DENND2A: variants seen among roughly 807,000 people sequenced by gnomAD.
The protein encoded by DENND2A is DENN domain containing 2A.
In DENND2A, 53 loss-of-function variants were observed where a neutral mutation model predicts 105.3. The ratio of observed to expected loss-of-function variants is 0.50; its 90% CI spans 0.40 to 0.63. The LOEUF is 0.63. Among genes scored for constraint, DENND2A ranks in the 30% least tolerant of loss-of-function variants. DENND2A has a pLI of 0.00. For missense variants in DENND2A, 1,138 were observed against 1,279.6 expected (o/e 0.89, Z 1.69); for synonymous variants, 522 against 508.4 (o/e 1.03, Z -0.36).
intron 3 of DENND2A, among the ~76,000 whole-genome samples, chr7:140,590,354 C>T (rs1336911360): frequency 6.6e-6 from 1 of 151,922 alleles, no homozygotes; most frequent in Non-Finnish European, 1.5e-5. Flanking sequence ...TGCGCCACTG[C>T]ACTCTAGCCT....
intron 18 of DENND2A, among the ~76,000 whole-genome samples, chr7:140,520,647 C>T (rs1337458800): frequency 1.3e-5 from 2 of 151,990 alleles, no homozygotes; most frequent in Middle Eastern, 3.2e-3. Context: ...CAAGCTCTGC[C>T]TCCTGGGTTC....
intron 14 of DENND2A, among the ~76,000 whole-genome samples, chr7:140,541,895 T>TGA (rs1298226737): frequency 6.6e-6 from 1 of 152,142 alleles, no homozygotes; most frequent in Admixed American, 6.6e-5. Flanking sequence ...ATGCGGCGCA[T>TGA]GAGGGGAGAG....
chr7:140,555,789 G>T, intron 11 of DENND2A, 76 bp from the exon 12 acceptor site: 1 of 1,292,276 alleles, frequency 7.7e-7, no homozygotes, highest in Admixed American at 2.4e-5. Flanking sequence ...TGTTTTTTGC[G>T]AGACTATCAT....
intron 14 of DENND2A, among the ~76,000 whole-genome samples, chr7:140,541,386 C>T (rs1323156581): frequency 1.3e-5 from 2 of 152,112 alleles, no homozygotes; most frequent in Non-Finnish European, 2.9e-5. Context: ...ATCTTCACCC[C>T]GCAGGCACGT....
At chr7:140,625,105 G>A (rs892081366) in intron 1 of DENND2A, among the ~76,000 whole-genome samples, 1 of 152,026 alleles carries the variant, frequency 6.6e-6, no homozygotes, top group Non-Finnish European at 1.5e-5. Flanking sequence ...GGCCAGGCAC[G>A]GTGGCTCATG....
chr7:140,561,768 G>T (rs538783445), intron 9 of DENND2A, among the ~76,000 whole-genome samples: 23 of 151,446 alleles, frequency 1.5e-4, no homozygotes, highest in African/African-American at 5.3e-4. Flanking sequence ...GCCTGCCTCA[G>T]CCTCGCAGAA....
chr7:140,600,596 A>C (rs1156915041), intron 3 of DENND2A, among the ~76,000 whole-genome samples: 2 of 151,980 alleles, frequency 1.3e-5, no homozygotes, highest in Admixed American at 1.3e-4. Context: ...AAAAACAAAG[A>C]ACTGGCAATT....
At chr7:140,518,835 C>T (rs1795751682) in intron 19 of DENND2A, 97 bp from the exon 20 acceptor site, 2 of 1,104,788 alleles carry the variant, frequency 1.8e-6, no homozygotes, top group Non-Finnish European at 2.7e-6. Flanking sequence ...GGTAACGGGG[C>T]CCCCACGCCA....
At chr7:140,585,752 G>A in intron 4 of DENND2A, 42 bp from the exon 5 acceptor site, 3 of 1,612,932 alleles carry the variant, frequency 1.9e-6, no homozygotes, top group Non-Finnish European at 2.5e-6. Flanking sequence ...GGAACACTGA[G>A]GACATTTCCC....
At chr7:140,623,314 C>A (rs1376107243) in intron 1 of DENND2A, among the ~76,000 whole-genome samples, 3 of 125,228 alleles carry the variant, frequency 2.4e-5, no homozygotes, top group Admixed American at 1.6e-4. Flanking sequence ...GGCTCTATCT[C>A]CAAAAAAAAA....
intron 11 of DENND2A, among the ~76,000 whole-genome samples, chr7:140,556,518 T>G (rs1039392414): frequency 4.6e-5 from 7 of 151,846 alleles, no homozygotes; most frequent in Non-Finnish European, 1.0e-4. Context: ...TTTTGTATTT[T>G]TAGTAGAGAT....
chr7:140,548,288 T>TA (rs1796985516), intron 12 of DENND2A, among the ~76,000 whole-genome samples: 1 of 107,238 alleles, frequency 9.3e-6, no homozygotes, highest in Admixed American at 9.8e-5. Context: ...AAGCTACTAC[T>TA]AAAAAACTAA....
intron 6 of DENND2A, 23 bp downstream of exon 6, chr7:140,573,785 A>G: frequency 6.2e-7 from 1 of 1,610,734 alleles, no homozygotes; most frequent in Non-Finnish European, 8.5e-7. Flanking sequence ...ATACCTGAGC[A>G]TGAAGCTTGT....
At chr7:140,536,332 G>A (rs1324026028) in intron 14 of DENND2A, among the ~76,000 whole-genome samples, 1 of 151,680 alleles carries the variant, frequency 6.6e-6, no homozygotes, top group Non-Finnish European at 1.5e-5. Context: ...TCCAGCCTGG[G>A]CAACAGAGCA....
intron 1 of DENND2A, among the ~76,000 whole-genome samples, chr7:140,622,520 T>C (rs948276827): frequency 2.0e-5 from 3 of 152,204 alleles, no homozygotes; most frequent in Non-Finnish European, 4.4e-5. Flanking sequence ...TCCTCAGACT[T>C]GTTAAAATGC....
intron 1 of DENND2A, among the ~76,000 whole-genome samples, chr7:140,621,003 C>T (rs1311609347): frequency 6.6e-6 from 1 of 152,108 alleles, no homozygotes; most frequent in African/African-American, 2.4e-5. Flanking sequence ...TTGGATATAA[C>T]CTATGTACAT....
Position 140,567,265 on chromosome 7 carries a change from G to A in DENND2A, c.1600C>T (p.Gln534Ter). 1 of 1,608,084 alleles carries A rather than the reference G, an allele frequency of 6.2e-7. No homozygotes were observed. The highest frequency in any genetic ancestry group is 8.5e-7 in the Non-Finnish European group (1 of 1,177,600). Residue 534 changes from glutamine (Q) to a stop codon, truncating the protein, a stop_gained, in exon 9 of 20, where the codon CAG becomes TAG. Coordinates refer to ENST00000496613, the MANE Select transcript of DENND2A (RefSeq NM_015689.5). LOFTEE classifies it high-confidence loss of function. ...CGGGACTTCACGTTGACCAGGCGCT[G>A]GCTGTGAGCTGGGTGAGGGAGGGAG... Reference protein sequence around the residue: ...DTEEKLKAHSQRLVNVKSRLK... With the variant: ...DTEEKLKAHS
At chr7:140,582,461 A>G (rs954819665) in intron 5 of DENND2A, among the ~76,000 whole-genome samples, 2 of 152,346 alleles carry the variant, frequency 1.3e-5, no homozygotes, top group Admixed American at 1.3e-4. Flanking sequence ...AAACACCAAC[A>G]ACACATTTCC....
intron 5 of DENND2A, among the ~76,000 whole-genome samples, chr7:140,578,125 C>G (rs1798382597): frequency 1.3e-5 from 2 of 152,136 alleles, no homozygotes; most frequent in Non-Finnish European, 2.9e-5. Context: ...TCTGTAGTGT[C>G]CAAAAGGGAA....
Sources: gnomAD v4.1 joint callset for allele counts (sites outside exome capture counted in the v4.1 genomes callset) on GRCh38, gnomAD v4.1.1 for gene constraint, MANE v1.5 for transcripts, NCBI Gene and HGNC (gene_info 2026-07-23, HGNC 2026-07-21) for gene names.